ATP10B: variants seen among roughly 807,000 people sequenced by gnomAD.
ATP10B encodes the protein ATPase phospholipid transporting 10B (putative).
ATP10B carries 122 observed loss-of-function variants against 141.2 expected under a neutral mutation model. That is an observed-to-expected ratio of 0.86 (90% confidence interval 0.75 to 1.00). ATP10B has a LOEUF of 1.00. ATP10B is among the 50% of genes least tolerant of loss of function. ATP10B has a pLI of 0.00. For missense variants in ATP10B, 1,876 were observed against 1,825.3 expected (o/e 1.03, Z -0.51); for synonymous variants, 685 against 692.0 (o/e 0.99, Z 0.16).
chr5:160,754,685 T>C (rs1768392070), intron 2 of ATP10B, among the ~76,000 whole-genome samples: 1 of 152,188 alleles, frequency 6.6e-6, no homozygotes, highest in African/African-American at 2.4e-5. Context: ...TCTTTGTGGA[T>C]GGGCAGGCTA....
chr5:160,804,152 T>C (rs1236762956), intron 1 of ATP10B, among the ~76,000 whole-genome samples: 1 of 152,216 alleles, frequency 6.6e-6, no homozygotes, highest in Non-Finnish European at 1.5e-5. Context: ...TAGCTACTTC[T>C]ATAAGGGATG....
At chr5:160,789,467 A>C (rs1771411424) in intron 1 of ATP10B, among the ~76,000 whole-genome samples, 1 of 152,158 alleles carries the variant, frequency 6.6e-6, no homozygotes, top group South Asian at 2.1e-4. Context: ...TTGTAACAAA[A>C]TAGTAAGTAG....
chr5:160,848,949 G>A (rs967737809), intron 1 of ATP10B, among the ~76,000 whole-genome samples: 1 of 152,192 alleles, frequency 6.6e-6, no homozygotes, highest in Non-Finnish European at 1.5e-5. Context: ...ATGTTCTCCA[G>A]GTCATGGTTC....
chr5:160,850,925 A>T lies in ATP10B; in HGVS notation c.-576+1016T>A, dbSNP rs117823977. Among the ~76,000 whole-genome samples, 32 of 152,342 alleles carry T rather than the reference A, an allele frequency of 2.1e-4. No individual in the cohort carries two copies. The East Asian group carries it at 5.4e-3, about 26-fold the overall frequency. On this transcript the variant is annotated intron_variant, in intron 1 of 25. Coordinates refer to ENST00000327245, the MANE Select transcript of ATP10B (RefSeq NM_025153.3). ...TCAGTGGGTGTTATTAAGAGTAATT[A>T]TAGTAACATCTAGACAGAAAACAAC...
intron 2 of ATP10B, among the ~76,000 whole-genome samples, chr5:160,737,067 G>A (rs1349945030): frequency 2.0e-5 from 3 of 152,172 alleles, no homozygotes; most frequent in Non-Finnish European, 2.9e-5. Context: ...TCATGACCAA[G>A]TGGGATTTAT....
intron 1 of ATP10B, among the ~76,000 whole-genome samples, chr5:160,808,355 A>G (rs1772927231): frequency 6.6e-6 from 1 of 152,204 alleles, no homozygotes. Context: ...CTATGAGGAC[A>G]ATACTTTGAG....
intron 1 of ATP10B, among the ~76,000 whole-genome samples, chr5:160,816,888 C>G (rs192634410): frequency 2.0e-5 from 3 of 152,090 alleles, no homozygotes; most frequent in African/African-American, 7.2e-5. Context: ...ATAAACAGAA[C>G]CAAAGACAAA....
chr5:160,658,092 A>G (rs775119498), intron 7 of ATP10B, among the ~76,000 whole-genome samples: 6 of 152,256 alleles, frequency 3.9e-5, no homozygotes, highest in Admixed American at 6.5e-5. Flanking sequence ...AAGAAACTAT[A>G]TTAAGTTGTT....
intron 1 of ATP10B, among the ~76,000 whole-genome samples, chr5:160,833,089 A>C (rs1775201728): frequency 6.6e-6 from 1 of 152,214 alleles, no homozygotes; most frequent in African/African-American, 2.4e-5. Flanking sequence ...GCATCAGTCT[A>C]CTGAAGGCTG....
At chr5:160,868,778 T>C in the ATP10B span, among the ~76,000 whole-genome samples, 1 of 152,256 alleles carries the variant, frequency 6.6e-6, no homozygotes, top group East Asian at 1.9e-4. Flanking sequence ...GAATATTTGA[T>C]AGGAGGGTCC....
At chr5:160,907,076 T>C in the ATP10B span, among the ~76,000 whole-genome samples, 1 of 152,186 alleles carries the variant, frequency 6.6e-6, no homozygotes, top group South Asian at 2.1e-4. Flanking sequence ...AGGAAGACTG[T>C]CAAAATACCC....
At chr5:160,690,665 C>A (rs1764023876) in intron 3 of ATP10B, among the ~76,000 whole-genome samples, 1 of 152,170 alleles carries the variant, frequency 6.6e-6, no homozygotes, top group East Asian at 1.9e-4. Flanking sequence ...GATACCATCT[C>A]AAGCCAGTTA....
chr5:160,805,939 G>T (rs1772738835), intron 1 of ATP10B, among the ~76,000 whole-genome samples: 1 of 152,174 alleles, frequency 6.6e-6, no homozygotes, highest in Non-Finnish European at 1.5e-5. Flanking sequence ...AAAGCCAGTG[G>T]TTCCAAGCCC....
chr5:160,818,224 G>T (rs994753410), intron 1 of ATP10B, among the ~76,000 whole-genome samples: 1 of 152,118 alleles, frequency 6.6e-6, no homozygotes, highest in African/African-American at 2.4e-5. Flanking sequence ...CCTACAGAAT[G>T]GGAGAAAATT....
the ATP10B span, among the ~76,000 whole-genome samples, chr5:160,924,410 G>T: frequency 1.2e-4 from 18 of 152,198 alleles, no homozygotes; most frequent in African/African-American, 4.3e-4. Context: ...GAGTGTTGCT[G>T]TGTTAGAATT....
chr5:160,709,166 A>C (rs962993485), intron 3 of ATP10B, among the ~76,000 whole-genome samples: 2 of 152,218 alleles, frequency 1.3e-5, no homozygotes, highest in African/African-American at 4.8e-5. Context: ...GGTGAGGATT[A>C]AAACAAAATA....
intron 1 of ATP10B, among the ~76,000 whole-genome samples, chr5:160,821,570 AAAC>A (rs1269161487): frequency 6.6e-6 from 1 of 152,132 alleles, no homozygotes; most frequent in East Asian, 1.9e-4. Context: ...TTCCAAACAA[AAAC>A]AACAGAATTA....
intron 1 of ATP10B, among the ~76,000 whole-genome samples, chr5:160,840,455 G>A (rs1006135984): frequency 2.0e-5 from 3 of 151,894 alleles, no homozygotes; most frequent in Non-Finnish European, 4.4e-5. Flanking sequence ...AATCACTAAG[G>A]AAAAGATAGT....
chr5:160,838,811 C>T (rs970217995), intron 1 of ATP10B, among the ~76,000 whole-genome samples: 2 of 152,164 alleles, frequency 1.3e-5, no homozygotes. Context: ...AATGTGATTC[C>T]CAGTGTTGGA....
Sources: gnomAD v4.1 joint callset for allele counts (sites outside exome capture counted in the v4.1 genomes callset) on GRCh38, gnomAD v4.1.1 for gene constraint, MANE v1.5 for transcripts, NCBI Gene and HGNC (gene_info 2026-07-23, HGNC 2026-07-21) for gene names.